C1orf116: variants seen among roughly 807,000 people sequenced by gnomAD.
C1orf116 encodes specifically androgen-regulated gene protein.
In C1orf116, 12 loss-of-function variants were observed where a neutral mutation model predicts 14.1. The ratio of observed to expected loss-of-function variants is 0.85; its 90% CI spans 0.54 to 1.38. C1orf116 has a LOEUF of 1.38. Among genes scored for constraint, C1orf116 ranks in the 40% most tolerant of loss-of-function variants. The probability of loss-of-function intolerance (pLI) is 0.00; values close to 1 mark genes in which losing one functional copy is unlikely to be tolerated. For synonymous variants in C1orf116, 296 were observed against 299.0 expected (o/e 0.99, Z 0.10); for missense variants, 797 against 747.0 (o/e 1.07, Z -0.78).
In C1orf116 at chr1:207,021,873, T is replaced by G; in HGVS notation, c.*85A>C. ...TCTCCCTCCCATTCATCTTGAGCCC[T>G]GAGTTGCGTGGTGGCAAAGGCTCCC... On this transcript the variant is annotated 3_prime_UTR_variant, in exon 4 of 4. Transcript: ENST00000359470. 1.0e-4 allele frequency: 142 copies of G among 1,359,900 alleles called. No individual in the cohort carries two copies. Among genetic ancestry groups the G allele is most frequent in the Non-Finnish European group, 1.3e-4 (128 of 1,016,408 alleles). The allele number at this position is 1,359,900 out of a possible 1,614,324, so 84.2% of individuals were successfully genotyped here. A position where few individuals can be genotyped will look rare whatever the true frequency, so the allele number is the denominator to read the frequency against.
In C1orf116 at chr1:207,032,605, GAAAA is replaced by G. The variant is rs1682280990; in HGVS notation, c.-112_-109del. The stretch of plus-strand genomic sequence containing the variant: ...TCCACTGGGTTGGGGGCTGAAGAGA[GAAAA>G]GAAATACCCTTTTGTTTCAAAGGGC... On this transcript the variant is annotated 5_prime_UTR_variant, in exon 1 of 4. Transcript: ENST00000359470. 1 of 985,336 alleles carries G rather than the reference GAAAA, an allele frequency of 1.0e-6. No homozygotes were observed. Among genetic ancestry groups the G allele is most frequent in the South Asian group, 4.7e-5 (1 of 21,290 alleles). 61.0% of individuals were successfully genotyped at this position (985,336 alleles called of 1,614,324 possible). A position where few individuals can be genotyped will look rare whatever the true frequency, so the allele number is the denominator to read the frequency against.
Position 207,024,885 on chromosome 1 carries a change from A to G in C1orf116, c.283+2T>C. The G allele has an allele frequency of 6.2e-7, 1 of 1,610,340 alleles. No homozygotes were observed. Among genetic ancestry groups the G allele is most frequent in the East Asian group, 2.2e-5 (1 of 44,700 alleles). ...GGTTCCACCCCAGAGGGTCTGCCTT[A>G]CCCCGGGGAGTGGGTTGGGTTATGG... On this transcript the variant is annotated splice_donor_variant, in intron 3 of 3. Coordinates refer to ENST00000359470, the MANE Select transcript of C1orf116 (RefSeq NM_023938.6). LOFTEE classifies it high-confidence loss of function.
rs776193648 is a variant in C1orf116 at position 207,022,872 on chromosome 1, G to A, written c.892C>T (p.Pro298Ser). The change falls in exon 4 of 4, where the codon CCC becomes TCC. Residue 298 changes from proline (P) to serine (S), a missense_variant. Physicochemically the swap from Pro to Ser is moderately conservative, Grantham distance 74. Coordinates refer to ENST00000359470, the MANE Select transcript of C1orf116 (RefSeq NM_023938.6). ...ACAATATTAGGTGGCAGCTTCCGGG[G>A]CTTAGGGGTTGTGAGGGGAGCTAGT... is the stretch of plus-strand genomic sequence containing the variant. ...SRLAPLTTPKPRKLPPNIVLK... is the reference protein window; with the variant it reads ...SRLAPLTTPKSRKLPPNIVLK... The A allele has an allele frequency of 4.6e-5, 74 of 1,613,992 alleles. 2 individuals are homozygous for A. The South Asian group carries it at 7.1e-4, about 16-fold the overall frequency.
chr1:207,028,525 GT>G (rs2102304451), intron 1 of C1orf116, among the ~76,000 whole-genome samples: 1 of 152,282 alleles, frequency 6.6e-6, no homozygotes, highest in African/African-American at 2.4e-5. Flanking sequence ...TTTCTTTCTA[GT>G]GAATCTCTTT....
intron 3 of C1orf116, 104 bp downstream of exon 3, chr1:207,024,783 C>T: frequency 1.4e-6 from 2 of 1,380,848 alleles, no homozygotes; most frequent in East Asian, 4.6e-5. Context: ...CTTCTTCTGC[C>T]TGTGACCCTT....
intron 1 of C1orf116, among the ~76,000 whole-genome samples, chr1:207,029,643 C>G (rs966184204): frequency 1.3e-5 from 2 of 152,210 alleles, no homozygotes; most frequent in African/African-American, 4.8e-5. Context: ...TTCTTGGTTT[C>G]TAACCTATAA....
chr1:207,026,210 T>G (rs1034147413), intron 2 of C1orf116, among the ~76,000 whole-genome samples: 4 of 152,230 alleles, frequency 2.6e-5, no homozygotes, highest in Non-Finnish European at 4.4e-5. Flanking sequence ...AGAATAACCC[T>G]TCCATTTGCC....
In C1orf116 at chr1:207,021,488, G is replaced by A. The variant is rs1473321388; in HGVS notation, c.*470C>T. 6.5e-6 allele frequency: 1 copy of A among 153,032 alleles called. No homozygotes were observed. The highest frequency in any genetic ancestry group is 2.4e-5 in the African/African-American group (1 of 41,438). 9.5% of individuals were successfully genotyped at this position (153,032 alleles called of 1,614,324 possible). ...ATGAGCCAGTCTCCATCCACTGTAG[G>A]GATTCCAGGAGGCCCATATTTCATG... On this transcript the variant is annotated 3_prime_UTR_variant, in exon 4 of 4. Transcript: ENST00000359470.
chr1:207,023,025 T>C lies in C1orf116; in HGVS notation c.739A>G (p.Met247Val). The C allele has an allele frequency of 6.2e-7, 1 of 1,613,734 alleles. No homozygotes were observed. The highest frequency in any genetic ancestry group is 1.6e-4 in the Middle Eastern group (1 of 6,062). The part of the protein sequence containing the change: ...QEREQTPSEA[M>V]SQKAKETVST... Reference sequence around the variant, plus strand: ...ACTGTTTCCTTGGCTTTTTGGGACATGGCTTCTGAAGGAGTCTGCTCTCTT... The same window carrying C: ...ACTGTTTCCTTGGCTTTTTGGGACACGGCTTCTGAAGGAGTCTGCTCTCTT... Residue 247 changes from methionine to valine, a missense_variant, in exon 4 of 4, where the codon ATG becomes GTG. Transcript: ENST00000359470.
At chr1:207,024,744 CA>C in intron 3 of C1orf116, 142 bp downstream of exon 3, 1 of 1,059,280 alleles carries the variant, frequency 9.4e-7, no homozygotes, top group Non-Finnish European at 1.4e-6. Flanking sequence ...CTGTTCTAGC[CA>C]GGAGAGTGGT....
At position 207,022,071 on chromosome 1, in the gene C1orf116, T is replaced by C. The variant is rs1269487390; in HGVS notation, c.1693A>G (p.Ser565Gly). 6.2e-7 allele frequency: 1 copy of C among 1,610,446 alleles called. No homozygotes were observed. Among genetic ancestry groups the C allele is most frequent in the African/African-American group, 1.3e-5 (1 of 74,726 alleles). Residue 565 changes from serine to glycine, a missense_variant, in exon 4 of 4, where the codon AGC (serine) becomes GGC (glycine). Ser to Gly is a moderately conservative substitution (Grantham distance 56). Coordinates refer to ENST00000359470, the MANE Select transcript of C1orf116 (RefSeq NM_023938.6). The stretch of plus-strand genomic sequence containing the variant: ...GGGGGGCGAGGAAGCTTGTCACGGC[T>C]CTGTCCTTGGTAGGACAGGCGCTTG... ...SSKRLSYQGQ[S>G]RDKLPRPPCV... is the part of the protein sequence containing the mutation.
At chr1:207,027,460 C>G in intron 2 of C1orf116, 34 bp downstream of exon 2, 1 of 1,612,528 alleles carries the variant, frequency 6.2e-7, no homozygotes, top group East Asian at 2.2e-5. Context: ...GTGCAGAGAG[C>G]AGACCAGGTT....
intron 1 of C1orf116, among the ~76,000 whole-genome samples, chr1:207,030,998 G>C (rs1682226426): frequency 6.6e-6 from 1 of 152,132 alleles, no homozygotes; most frequent in Non-Finnish European, 1.5e-5. Context: ...CTCCATTCCA[G>C]GTTGGCTTGT....
rs761140246 is a variant in C1orf116, at chr1:207,022,374, G to A, written c.1390C>T (p.Leu464=). 30 of 1,614,154 alleles carry A rather than the reference G, an allele frequency of 1.9e-5. No homozygotes were observed. Among genetic ancestry groups the A allele is most frequent in the Non-Finnish European group, 2.3e-5 (27 of 1,180,020 alleles). Residue 464 remains leucine (L), a synonymous_variant, in exon 4 of 4, where the codon CTG becomes TTG. Coordinates refer to ENST00000359470, the MANE Select transcript of C1orf116 (RefSeq NM_023938.6). ...GGGGTGTTGCTCTCCTGGAGAGTCAGCCCTGACTCTGGCTTCGGTGGAGTC... is the reference window on the plus strand; with the variant it reads ...GGGGTGTTGCTCTCCTGGAGAGTCAACCCTGACTCTGGCTTCGGTGGAGTC... ...ALTPPKPESG[L]TLQESNTPGL... is the part of the protein sequence containing the mutation.
At position 207,022,308 on chromosome 1, in the gene C1orf116, G is replaced by A. The variant is rs373955367; in HGVS notation, c.1456C>T (p.Arg486Cys). 64 of 1,613,650 alleles carry A rather than the reference G, an allele frequency of 4.0e-5. No individual in the cohort carries two copies. Among genetic ancestry groups the A allele is most frequent in the Middle Eastern group, 3.3e-4 (2 of 6,084 alleles). The change falls in exon 4 of 4, where the codon CGC becomes TGC. Residue 486 changes from arginine to cysteine, a missense_variant. Arg to Cys is a radical substitution (Grantham distance 180). Coordinates refer to ENST00000359470, the MANE Select transcript of C1orf116 (RefSeq NM_023938.6). ...QMNFKSNTLE[R>C]SGVGLSSYLS... ...TAGCTGCTCAGTCCCACGCCTGAGC[G>A]CTCCAGAGTGTTGGACTTGAAGTTC...
intron 1 of C1orf116, among the ~76,000 whole-genome samples, chr1:207,030,035 A>C (rs532211263): frequency 2.6e-4 from 40 of 152,262 alleles, no homozygotes; most frequent in African/African-American, 8.9e-4. Context: ...GAAGCTTATC[A>C]CACTTTTGTT....
At position 207,023,222 on chromosome 1, in the gene C1orf116, T is replaced by C; in HGVS notation, c.542A>G (p.Gln181Arg). The change falls in exon 4 of 4, where the codon CAG becomes CGG. Residue 181 changes from glutamine (Q) to arginine (R), a missense_variant. Coordinates refer to ENST00000359470, the MANE Select transcript of C1orf116 (RefSeq NM_023938.6). ...EQVSQSSQPRQAPASPQEAAL... is the reference protein window; with the variant it reads ...EQVSQSSQPRRAPASPQEAAL... ...AGCCTCCTGGGGGCTGGCAGGTGCC[T>C]GCCTGGGTTGGCTGCTCTGGCTGAC... 6.2e-7 allele frequency: 1 copy of C among 1,610,598 alleles called. No individual in the cohort carries two copies. Among genetic ancestry groups the C allele is most frequent in the Non-Finnish European group, 8.5e-7 (1 of 1,178,142 alleles).
chr1:207,027,353 A>T, intron 2 of C1orf116, 141 bp downstream of exon 2: 1 of 1,062,706 alleles, frequency 9.4e-7, no homozygotes, highest in Non-Finnish European at 1.4e-6. Flanking sequence ...GAAAGCACCC[A>T]CTGGTGTTGT....
At chr1:207,030,786 C>T (rs910398662) in intron 1 of C1orf116, among the ~76,000 whole-genome samples, 4 of 152,146 alleles carry the variant, frequency 2.6e-5, no homozygotes, top group African/African-American at 9.7e-5. Context: ...AACCCTTGAC[C>T]TCTTTGGGAA....
Sources: allele counts gnomAD v4.1 joint callset (sites outside exome capture counted in the v4.1 genomes callset), GRCh38; gene constraint gnomAD v4.1.1; transcripts MANE v1.5; gene names NCBI Gene and HGNC (gene_info 2026-07-23, HGNC 2026-07-21).